The following INPP4A variants were observed in gnomAD, a reference collection of about 807,000 sequenced individuals.
INPP4A encodes the protein inositol polyphosphate-4-phosphatase, type I, 107kD.
INPP4A carries 33 observed loss-of-function variants against 119.8 expected under a neutral mutation model. The ratio of observed to expected loss-of-function variants is 0.28; its 90% CI spans 0.21 to 0.37. INPP4A has a LOEUF of 0.37. Ranked by LOEUF, INPP4A falls within the 10% of genes least tolerant of loss-of-function variation. The probability of loss-of-function intolerance (pLI) is 1.00; values close to 1 mark genes in which losing one functional copy is unlikely to be tolerated. For missense variants in INPP4A, 956 were observed against 1,289.9 expected (o/e 0.74, Z 3.97); for synonymous variants, 496 against 500.7 (o/e 0.99, Z 0.12).
At chr2:98,470,429 G>A (rs947213697) in intron 1 of INPP4A, among the ~76,000 whole-genome samples, 2 of 152,336 alleles carry the variant, frequency 1.3e-5, no homozygotes, top group Middle Eastern at 6.8e-3. Context: ...CTCCTTAGTG[G>A]TCTGTCCCTT....
intron 1 of INPP4A, among the ~76,000 whole-genome samples, chr2:98,473,362 G>C (rs938927795): frequency 2.0e-5 from 3 of 151,364 alleles, no homozygotes; most frequent in African/African-American, 7.3e-5. Flanking sequence ...AGTGAGGAGG[G>C]CAGTGTGAGG....
At chr2:98,497,433 G>A (rs1437536681) in intron 1 of INPP4A, among the ~76,000 whole-genome samples, 1 of 152,196 alleles carries the variant, frequency 6.6e-6, no homozygotes, top group African/African-American at 2.4e-5. Context: ...GCCCAGAATA[G>A]TAGCTCTACT....
At chr2:98,565,972 G>C in intron 20 of INPP4A, 57 bp from the exon 21 acceptor site, 1 of 1,565,500 alleles carries the variant, frequency 6.4e-7, no homozygotes, top group East Asian at 2.3e-5. Context: ...GGGCACTGCA[G>C]CCTGCTCGGT....
chr2:98,565,587 G>A (rs531958703), intron 19 of INPP4A, 53 bp from the exon 20 acceptor site: 1 of 1,558,268 alleles, frequency 6.4e-7, no homozygotes, highest in Admixed American at 1.9e-5. Flanking sequence ...GCTGAGACTG[G>A]GGAGAGTAGC....
Position 98,577,065 on chromosome 2 carries a change from T to C in INPP4A, c.2708T>C (p.Leu903Pro). ...GACCGTACAGCCATGTCGGTGACAC[T>C]GGAGCAGTGCCTGATCCTGCAACAC... ...AKDRTAMSVT[L>P]EQCLILQHEH... The change falls in exon 24 of 25, where the codon CTG becomes CCG. Residue 903 changes from leucine to proline, a missense_variant. By Grantham distance (98) the Leu-to-Pro change is moderately conservative. This residue lies in a region of INPP4A where 304 missense variants were observed against 492.1 expected (regional missense o/e 0.62). Coordinates refer to ENST00000409851, the MANE Select transcript of INPP4A (RefSeq NM_001134225.2). 1 of 1,613,982 alleles carries C rather than the reference T, an allele frequency of 6.2e-7. No homozygotes were observed. The highest frequency in any genetic ancestry group is 8.5e-7 in the Non-Finnish European group (1 of 1,179,866).
intron 24 of INPP4A, among the ~76,000 whole-genome samples, chr2:98,578,009 C>T (rs1462340452): frequency 6.6e-6 from 1 of 152,198 alleles, no homozygotes; most frequent in Non-Finnish European, 1.5e-5. Context: ...TTGACCTTCT[C>T]ACAATACTGC....
chr2:98,554,294 C>T lies in INPP4A; in HGVS notation c.1371C>T (p.Cys457=), dbSNP rs760155727. ...ADKTRQLVTV[C]DCKLLANSIH... ...AGACACGGCAGCTGGTCACGGTCTG[C>T]GACTGCAAGCTCCTGGCCAACTCCA... Residue 457 remains cysteine, a synonymous_variant, in exon 15 of 25, where the codon TGC becomes TGT. Transcript: ENST00000409851. The surrounding 1 kb of genome is among the most constrained non-coding windows in gnomAD (Gnocchi z 4.7). 11 of 1,608,158 alleles carry T rather than the reference C, an allele frequency of 6.8e-6. No homozygotes were observed. Among genetic ancestry groups the T allele is most frequent in the South Asian group, 1.1e-5 (1 of 89,798 alleles).
chr2:98,536,290 A>G (rs1203647830), intron 7 of INPP4A, 82 bp downstream of exon 7: 1 of 827,758 alleles, frequency 1.2e-6, no homozygotes, highest in African/African-American at 1.7e-5. Context: ...CACTTCTTAT[A>G]CTGAGAGAGC....
chr2:98,510,777 G>A (rs543128072), intron 1 of INPP4A, among the ~76,000 whole-genome samples: 2 of 152,198 alleles, frequency 1.3e-5, no homozygotes, highest in Non-Finnish European at 2.9e-5. Flanking sequence ...CTCCATTGGA[G>A]TCTGGGATGT....
chr2:98,470,514 G>A (rs535419104), intron 1 of INPP4A, among the ~76,000 whole-genome samples: 1 of 152,376 alleles, frequency 6.6e-6, no homozygotes, highest in Admixed American at 6.5e-5. Context: ...CGCCTTCTCA[G>A]CCAGGCACTG....
At chr2:98,537,437 A>G (rs1326041215) in intron 7 of INPP4A, among the ~76,000 whole-genome samples, 2 of 152,312 alleles carry the variant, frequency 1.3e-5, no homozygotes, top group East Asian at 1.9e-4. Context: ...TTGGGCTAAT[A>G]TAAGCCTCAA....
At chr2:98,522,650 G>A (rs1006937141) in intron 4 of INPP4A, among the ~76,000 whole-genome samples, 1 of 152,106 alleles carries the variant, frequency 6.6e-6, no homozygotes, top group Non-Finnish European at 1.5e-5. Flanking sequence ...GAATGTGTCT[G>A]TAGGTTAAAA....
At chr2:98,458,923 C>T (rs1378330277) in intron 1 of INPP4A, among the ~76,000 whole-genome samples, 3 of 152,154 alleles carry the variant, frequency 2.0e-5, no homozygotes, top group Non-Finnish European at 4.4e-5. Flanking sequence ...GAAGGTGGCT[C>T]TCAGCACACT....
intron 1 of INPP4A, among the ~76,000 whole-genome samples, chr2:98,454,217 G>A (rs1695700682): frequency 6.6e-6 from 1 of 152,260 alleles, no homozygotes; most frequent in Admixed American, 6.5e-5. Flanking sequence ...GCTGGCCCCA[G>A]TGAAAGCATT....
Position 98,539,538 on chromosome 2 carries a change from T to C in INPP4A, c.681T>C (p.Gly227=). ...GTCATCCCACCTCAGTGTTCGGTGGTGCCATCTGCCGCATGTACCGGTTTC... is the reference window on the plus strand; with the variant it reads ...GTCATCCCACCTCAGTGTTCGGTGGCGCCATCTGCCGCATGTACCGGTTTC... ...KDTLLKSVFG[G]AICRMYRFPT... is the part of the protein sequence containing the mutation. Residue 227 remains glycine, a synonymous_variant, in exon 10 of 25, where the codon GGT becomes GGC. Transcript: ENST00000409851. 1 of 1,608,760 alleles carries C rather than the reference T, an allele frequency of 6.2e-7. No individual in the cohort carries two copies. The highest frequency in any genetic ancestry group is 8.5e-7 in the Non-Finnish European group (1 of 1,176,672).
chr2:98,550,174 A>G (rs945140906), intron 13 of INPP4A, among the ~76,000 whole-genome samples: 10 of 151,970 alleles, frequency 6.6e-5, no homozygotes, highest in African/African-American at 1.7e-4. Flanking sequence ...CCATAGCCCA[A>G]TCTGGGCCTG....
chr2:98,523,400 G>GT (rs539205115), intron 4 of INPP4A, among the ~76,000 whole-genome samples: 3,046 of 143,192 alleles, frequency 0.021, 96 homozygotes, highest in African/African-American at 0.067. Context: ...TTGTTTTTTT[G>GT]TTTTTTTTTT....
chr2:98,516,056 A>G (rs1281550039), intron 1 of INPP4A, among the ~76,000 whole-genome samples: 3 of 152,064 alleles, frequency 2.0e-5, no homozygotes, highest in Admixed American at 6.5e-5. Context: ...GCTCCCACAC[A>G]TTCTGTCTCC....
intron 1 of INPP4A, among the ~76,000 whole-genome samples, chr2:98,472,023 G>T (rs1285958124): frequency 6.6e-6 from 1 of 152,222 alleles, no homozygotes; most frequent in African/African-American, 2.4e-5. Flanking sequence ...CCCACAAGGA[G>T]GGTGTAGGAA....
Sources: gnomAD v4.1 joint callset for allele counts (sites outside exome capture counted in the v4.1 genomes callset) on GRCh38, gnomAD v4.1.1 for gene constraint, gnomAD v4.1.1 regional missense constraint, Gnocchi (gnomAD v3.1) non-coding constraint, MANE v1.5 for transcripts, NCBI Gene and HGNC (gene_info 2026-07-23, HGNC 2026-07-21) for gene names.